LARGE1: variants seen among roughly 807,000 people sequenced by gnomAD.
The protein encoded by LARGE1 is LARGE xylosyl- and glucuronyltransferase 1.
LARGE1 carries 43 observed loss-of-function variants against 87.6 expected under a neutral mutation model. The observed-to-expected ratio is 0.49, with a 90% CI of 0.38 to 0.63. The LOEUF is 0.63. Among genes scored for constraint, LARGE1 ranks in the 30% least tolerant of loss-of-function variants. The pLI is 0.00. For synonymous variants in LARGE1, 434 were observed against 394.6 expected (o/e 1.10, Z -1.18); for missense variants, 802 against 1,000.2 (o/e 0.80, Z 2.67).
At chr22:33,440,613 G>A (rs1008168620) in intron 6 of LARGE1, among the ~76,000 whole-genome samples, 10 of 152,176 alleles carry the variant, frequency 6.6e-5, no homozygotes, top group Middle Eastern at 3.2e-3. Context: ...GTGTCTGAGT[G>A]CAGGATGTCT....
At chr22:33,547,042 A>T (rs777246531) in intron 6 of LARGE1, among the ~76,000 whole-genome samples, 2 of 135,500 alleles carry the variant, frequency 1.5e-5, no homozygotes, top group Non-Finnish European at 3.3e-5. Flanking sequence ...GTATTATTTA[A>T]CCTTTTTAAG....
At chr22:33,808,680 G>A (rs1030713636) in intron 1 of LARGE1, among the ~76,000 whole-genome samples, 4 of 152,202 alleles carry the variant, frequency 2.6e-5, no homozygotes, top group Non-Finnish European at 5.9e-5. Flanking sequence ...TCACAGTGAC[G>A]AGTACACTGG....
intron 2 of LARGE1, among the ~76,000 whole-genome samples, chr22:33,742,699 T>C (rs1270616457): frequency 1.3e-5 from 2 of 152,246 alleles, no homozygotes; most frequent in African/African-American, 4.8e-5. Context: ...ACCAGATTTT[T>C]CTTTATAATA....
chr22:33,203,636 T>C (rs17794273), intron 11 of LARGE1, among the ~76,000 whole-genome samples: 5,793 of 152,148 alleles, frequency 0.038, 175 homozygotes, highest in South Asian at 0.14. Flanking sequence ...GCAGAGATGA[T>C]AGAACGCATG....
intron 1 of LARGE1, among the ~76,000 whole-genome samples, chr22:33,849,184 C>A (rs2063514626): frequency 6.6e-6 from 1 of 152,168 alleles, no homozygotes. Flanking sequence ...TTTTGCCTCC[C>A]GGAGTCACCC....
At chr22:33,237,825 A>T (rs1226851955) in intron 11 of LARGE1, among the ~76,000 whole-genome samples, 1 of 152,248 alleles carries the variant, frequency 6.6e-6, no homozygotes, top group Non-Finnish European at 1.5e-5. Flanking sequence ...CTTCTAAGGA[A>T]ATATATGACC....
intron 11 of LARGE1, among the ~76,000 whole-genome samples, chr22:33,255,791 A>G (rs771609338): frequency 2.0e-5 from 3 of 152,172 alleles, no homozygotes; most frequent in Non-Finnish European, 2.9e-5. Context: ...ATCTTCTTTT[A>G]TCTCTGGCTA....
intron 6 of LARGE1, among the ~76,000 whole-genome samples, chr22:33,463,300 A>G (rs900614266): frequency 3.9e-5 from 6 of 152,126 alleles, no homozygotes; most frequent in Admixed American, 3.9e-4. Flanking sequence ...AAATACAAAT[A>G]CAAAAAAAGC....
intron 1 of LARGE1, among the ~76,000 whole-genome samples, chr22:33,797,619 C>T (rs2086027909): frequency 6.6e-6 from 1 of 152,162 alleles, no homozygotes; most frequent in African/African-American, 2.4e-5. Flanking sequence ...CAGCCCTGAC[C>T]AATCTCCCCT....
chr22:33,696,184 G>A (rs949817566), intron 2 of LARGE1, among the ~76,000 whole-genome samples: 2 of 151,824 alleles, frequency 1.3e-5, no homozygotes, highest in Non-Finnish European at 2.9e-5. Context: ...ATAGTCCAGC[G>A]ATAACTACAA....
chr22:33,334,046 C>T (rs891250243), intron 10 of LARGE1, among the ~76,000 whole-genome samples: 2 of 152,000 alleles, frequency 1.3e-5, no homozygotes, highest in Middle Eastern at 3.4e-3. Context: ...TTGCTTGAAT[C>T]TGGGAGGGAG....
At chr22:33,395,744 AC>A (rs2065718340) in intron 7 of LARGE1, among the ~76,000 whole-genome samples, 1 of 152,120 alleles carries the variant, frequency 6.6e-6, no homozygotes, top group African/African-American at 2.4e-5. Context: ...TTCAGATGAA[AC>A]CTTTTATTCC....
the LARGE1 span, among the ~76,000 whole-genome samples, chr22:33,153,590 T>C: frequency 1.3e-5 from 2 of 152,202 alleles, no homozygotes; most frequent in African/African-American, 4.8e-5. Context: ...TGCAGCATAG[T>C]ACTTACTCAT....
chr22:33,337,543 T>C, intron 10 of LARGE1, 103 bp downstream of exon 10: 1 of 1,402,230 alleles, frequency 7.1e-7, no homozygotes, highest in Non-Finnish European at 9.9e-7. Flanking sequence ...TGTGTTCACC[T>C]AGGTCCTGCC....
the LARGE1 span, among the ~76,000 whole-genome samples, chr22:33,115,089 G>A: frequency 3.1e-3 from 467 of 152,184 alleles, 3 homozygotes; most frequent in Middle Eastern, 6.8e-3. Flanking sequence ...GGTGTGTGTC[G>A]TTTACATCTG....
intron 11 of LARGE1, among the ~76,000 whole-genome samples, chr22:33,230,083 C>G (rs961139652): frequency 7.4e-6 from 1 of 134,946 alleles, no homozygotes; most frequent in Non-Finnish European, 1.5e-5. Context: ...GCGATCTTTG[C>G]TCACTGCAAC....
At chr22:33,689,145 G>GTCTCTCTC (rs3072287) in intron 2 of LARGE1, among the ~76,000 whole-genome samples, 24,123 of 147,428 alleles carry the variant, frequency 0.16, 2,021 homozygotes, top group South Asian at 0.19. Context: ...CAAATTTACT[G>GTCTCTCTC]TCTCTCTCTC....
chr22:33,601,426 G>A (rs892557682), intron 5 of LARGE1, among the ~76,000 whole-genome samples: 1 of 152,222 alleles, frequency 6.6e-6, no homozygotes, highest in South Asian at 2.1e-4. Context: ...ACTACAGAGG[G>A]GCTGTCAGGC....
chr22:33,884,889 A>C (rs1479866802), intron 1 of LARGE1, among the ~76,000 whole-genome samples: 1 of 152,212 alleles, frequency 6.6e-6, no homozygotes, highest in African/African-American at 2.4e-5. Flanking sequence ...ACAAAGGCGG[A>C]GTCACCCTGA....
Sources: gnomAD v4.1 joint callset for allele counts (sites outside exome capture counted in the v4.1 genomes callset) on GRCh38, gnomAD v4.1.1 for gene constraint, MANE v1.5 for transcripts, NCBI Gene and HGNC (gene_info 2026-07-23, HGNC 2026-07-21) for gene names.